The following NR4A1 variants were observed in gnomAD, a reference collection of about 807,000 sequenced individuals.
NR4A1 encodes the protein nuclear receptor subfamily 4immunitygroup A member 1.
NR4A1 carries 24 observed loss-of-function variants against 47.5 expected under a neutral mutation model. The ratio of observed to expected loss-of-function variants is 0.50; its 90% confidence interval spans 0.37 to 0.71. The LOEUF is 0.71. Among genes scored for constraint, NR4A1 ranks in the 30% least tolerant of loss-of-function variants. The probability of loss-of-function intolerance (pLI) is 0.00; values close to 1 mark genes in which losing one functional copy is unlikely to be tolerated. For missense variants in NR4A1, 669 were observed against 788.6 expected (o/e 0.85, Z 1.82); for synonymous variants, 353 against 345.7 (o/e 1.02, Z -0.24).
intron 1 of NR4A1, among the ~76,000 whole-genome samples, chr12:52,036,264 T>G (rs1474099670): frequency 6.6e-6 from 1 of 152,074 alleles, no homozygotes; most frequent in Non-Finnish European, 1.5e-5. Context: ...TCCAAGTGCC[T>G]GCACCCCCAG....
intron 1 of NR4A1, chr12:52,037,561 G>A: frequency 1.0e-6 from 1 of 981,078 alleles, no homozygotes; most frequent in African/African-American, 1.8e-5. Flanking sequence ...TGGAAACTGG[G>A]GAGTCGGGGG....
In NR4A1 at chr12:52,054,798, CCTTCGGCCACTT is replaced by C. The variant is rs1230563692; in HGVS notation, c.473_484del (p.Phe158_Phe161del). The C allele has an allele frequency of 3.7e-6, 6 of 1,613,274 alleles. 1 individual carries two copies. The highest frequency in any genetic ancestry group is 3.4e-6 in the Non-Finnish European group (4 of 1,179,960). The stretch of plus-strand genomic sequence containing the variant: ...CCCCAGCTCTCTCCCTGGGATGGCT[CCTTCGGCCACTT>C]CTCGCCCAGCCAGACTTACGAAGGC... On this transcript the variant is annotated inframe_deletion, in exon 2 of 7. Transcript: ENST00000394825.
intron 1 of NR4A1, among the ~76,000 whole-genome samples, chr12:52,029,879 A>C (rs1465430210): frequency 6.6e-6 from 1 of 152,208 alleles, no homozygotes; most frequent in Non-Finnish European, 1.5e-5. Context: ...TGGTGAGAGC[A>C]GGAGCAGCGT....
chr12:52,058,623 G>C, intron 6 of NR4A1, 65 bp from the exon 7 acceptor site: 4 of 1,468,268 alleles, frequency 2.7e-6, no homozygotes, highest in Non-Finnish European at 3.6e-6. Context: ...TAGGGGCCTG[G>C]GGGAGGCTGG....
Position 52,054,643 on chromosome 12 carries a change from C to T in NR4A1, c.315C>T (p.Asp105=), listed in dbSNP as rs1939155533. 6.2e-7 allele frequency: 1 copy of T among 1,614,064 alleles called. No individual in the cohort carries two copies. The highest frequency in any genetic ancestry group is 1.3e-5 in the African/African-American group (1 of 74,942). Residue 105 remains aspartate (D), a synonymous_variant, in exon 2 of 7, where the codon GAC becomes GAT. Coordinates refer to ENST00000394825, the MANE Select transcript of NR4A1 (RefSeq NM_173157.3). ...CCTCTGCCTCCTTCAAGTTCGAGGACTTCCAGGTGTACGGCTGCTACCCCG... is the reference window on the plus strand; with the variant it reads ...CCTCTGCCTCCTTCAAGTTCGAGGATTTCCAGGTGTACGGCTGCTACCCCG... The part of the protein sequence containing the change: ...SPASASFKFE[D]FQVYGCYPGP...
intron 1 of NR4A1, chr12:52,037,850 G>GT (rs1227314468): frequency 1.0e-6 from 1 of 985,254 alleles, no homozygotes; most frequent in Non-Finnish European, 1.2e-6. Flanking sequence ...TGGGGGTCTC[G>GT]TGGAGTCAGG....
In NR4A1 at chr12:52,058,932, G is replaced by A. The variant is rs746171681; in HGVS notation, c.1785G>A (p.Thr595=). The A allele has an allele frequency of 6.2e-5, 100 of 1,611,594 alleles. No homozygotes were observed. Among genetic ancestry groups the A allele is most frequent in the Admixed American group, 2.8e-4 (17 of 59,950 alleles). Residue 595 remains threonine, a synonymous_variant, in exon 7 of 7, where the codon ACG becomes ACA. Coordinates refer to ENST00000394825, the MANE Select transcript of NR4A1 (RefSeq NM_173157.3). ...TCATTGACAAGATCTTCATGGACACGCTGCCCTTCTGACCCCTGCCTGGGA... is the reference window on the plus strand; with the variant it reads ...TCATTGACAAGATCTTCATGGACACACTGCCCTTCTGACCCCTGCCTGGGA... ...PPIIDKIFMD[T]LPF
intron 1 of NR4A1, among the ~76,000 whole-genome samples, chr12:52,039,859 A>G (rs1191963560): frequency 6.6e-6 from 1 of 152,180 alleles, no homozygotes; most frequent in African/African-American, 2.4e-5. Flanking sequence ...GGTTGATGAG[A>G]AAGAGCCAGT....
At chr12:52,050,796 G>C (rs2120393953), upstream of NR4A1, among the ~76,000 whole-genome samples, 1 of 152,308 alleles carries the variant, frequency 6.6e-6, no homozygotes, top group East Asian at 1.9e-4. Flanking sequence ...GCTGCGCCTA[G>C]GGCTGAGGTG....
chr12:52,040,107 C>T (rs1252541126), intron 1 of NR4A1, among the ~76,000 whole-genome samples: 2 of 152,194 alleles, frequency 1.3e-5, no homozygotes, highest in Non-Finnish European at 2.9e-5. Flanking sequence ...CATCCCTTAT[C>T]AGCTCCTGGG....
intron 1 of NR4A1, chr12:52,038,858 T>C (rs1308656874): frequency 1.5e-6 from 1 of 680,464 alleles, no homozygotes; most frequent in Non-Finnish European, 2.7e-6. Context: ...GTTCAGGCCC[T>C]GTGCCTGGCT....
At chr12:52,037,562 G>A (rs1435747007) in intron 1 of NR4A1, 7 of 978,972 alleles carry the variant, frequency 7.2e-6, no homozygotes, top group Admixed American at 6.2e-5. Context: ...GGAAACTGGG[G>A]AGTCGGGGGG....
In NR4A1 at chr12:52,059,348, A is replaced by C. The variant is rs1296688468; in HGVS notation, c.*404A>C. On this transcript the variant is annotated 3_prime_UTR_variant, in exon 7 of 7. Transcript: ENST00000394825. The stretch of plus-strand genomic sequence containing the variant: ...AGCCTCCTGCTGGCTCTCTCTTCCT[A>C]CCCTCCTTCCACATGTACATAAACT... The C allele has an allele frequency of 5.5e-6, 1 of 180,546 alleles. No individual in the cohort carries two copies. The highest frequency in any genetic ancestry group is 1.1e-5 in the Non-Finnish European group (1 of 87,726). 11.2% of individuals were successfully genotyped at this position (180,546 alleles called of 1,614,324 possible).
At chr12:52,042,954 T>G (rs1437025559) in intron 2 of NR4A1, among the ~76,000 whole-genome samples, 1 of 152,132 alleles carries the variant, frequency 6.6e-6, no homozygotes, top group Non-Finnish European at 1.5e-5. Flanking sequence ...GCTCAGTATC[T>G]CCCTCAGCTT....
chr12:52,055,249 A>G (rs762843765), intron 2 of NR4A1, 45 bp downstream of exon 2: 3 of 1,601,990 alleles, frequency 1.9e-6, no homozygotes, highest in Non-Finnish European at 2.5e-6. Flanking sequence ...AAATGGAGAG[A>G]GGCTGGCCTC....
intron 1 of NR4A1, chr12:52,037,944 C>A (rs1216538301): frequency 4.8e-6 from 4 of 839,336 alleles, no homozygotes; most frequent in Non-Finnish European, 5.6e-6. Flanking sequence ...GCAACATCTT[C>A]CTTATACTGG....
At chr12:52,041,656 C>T in intron 1 of NR4A1, 2 of 849,548 alleles carry the variant, frequency 2.4e-6, no homozygotes, top group East Asian at 3.3e-5. Context: ...GCTCCAATGC[C>T]TAACCCGGGG....
rs535940194 is a variant in NR4A1 at position 52,023,307 on chromosome 12, A to C, written c.-84+368A>C. Among the ~76,000 whole-genome samples, 1,185 of 149,350 alleles carry C rather than the reference A, an allele frequency of 7.9e-3. 17 individuals are homozygous for C. Among genetic ancestry groups the C allele is most frequent in the African/African-American group, 0.027 (1,121 of 40,858 alleles). Reference sequence around the variant, plus strand: ...CCGCCCTCCCTCTCCACCCTCGCCCACCCCGGGGCCGCGAGGCTGTGGGTT... The same window carrying C: ...CCGCCCTCCCTCTCCACCCTCGCCCCCCCCGGGGCCGCGAGGCTGTGGGTT... On this transcript the variant is annotated intron_variant, in intron 1 of 7. Coordinates refer to the NR4A1 transcript ENST00000360284.
At chr12:52,026,692 G>A (rs1283175) in intron 1 of NR4A1, among the ~76,000 whole-genome samples, 117,060 of 152,120 alleles carry the variant, frequency 0.77, 46,002 homozygotes, top group African/African-American at 0.88. Flanking sequence ...GGGAGATATT[G>A]TTATTATCAT....
Sources: allele counts gnomAD v4.1 joint callset (sites outside exome capture counted in the v4.1 genomes callset), GRCh38; gene constraint gnomAD v4.1.1; transcripts MANE v1.5; gene names NCBI Gene and HGNC (gene_info 2026-07-23, HGNC 2026-07-21).